RBM27: variants seen among roughly 807,000 people sequenced by gnomAD.
RBM27 encodes RNA binding motif protein 27.
RBM27 carries 22 observed loss-of-function variants against 135.3 expected under a neutral mutation model. The observed-to-expected ratio is 0.16, with a 90% CI of 0.12 to 0.23. The LOEUF (loss-of-function observed/expected upper bound fraction) is 0.23. Ranked by LOEUF, RBM27 falls within the 10% of genes least tolerant of loss-of-function variation. The probability of loss-of-function intolerance (pLI) is 1.00; values close to 1 mark genes in which losing one functional copy is unlikely to be tolerated. For synonymous variants in RBM27, 481 were observed against 442.4 expected (o/e 1.09, Z -1.10); for missense variants, 1,009 against 1,281.0 (o/e 0.79, Z 3.24).
chr5:146,271,736 G>A, intron 19 of RBM27, 62 bp downstream of exon 19: 1 of 1,429,724 alleles, frequency 7.0e-7, no homozygotes. Flanking sequence ...TTTCCTTGCT[G>A]CAGTGTCTAT....
chr5:146,268,407 T>C (rs1758713167), intron 15 of RBM27, among the ~76,000 whole-genome samples: 1 of 151,952 alleles, frequency 6.6e-6, no homozygotes, highest in South Asian at 2.1e-4. Flanking sequence ...CACCCCTGGC[T>C]AATTTTGTAT....
intron 7 of RBM27, among the ~76,000 whole-genome samples, chr5:146,234,029 T>C (rs2126763641): frequency 6.6e-6 from 1 of 152,252 alleles, no homozygotes; most frequent in African/African-American, 2.4e-5. Context: ...TTTATTTATC[T>C]ATTTTTATTT....
chr5:146,287,578 T>C lies in RBM27; in HGVS notation c.*1548T>C, dbSNP rs911748806. ...ATTTTGTTTGCTGAGGTAAAGACAA[T>C]TTCTCAATATAGAAACTATTCACTA... is the stretch of plus-strand genomic sequence containing the variant. On this transcript the variant is annotated 3_prime_UTR_variant, in exon 21 of 21. Transcript: ENST00000265271. 6.6e-6 allele frequency: 1 copy of C among 152,140 alleles called. No homozygotes were observed. The highest frequency in any genetic ancestry group is 1.5e-5 in the Non-Finnish European group (1 of 68,000). 9.4% of individuals were successfully genotyped at this position (152,140 alleles called of 1,614,324 possible). A position where few individuals can be genotyped will look rare whatever the true frequency, so the allele number is the denominator to read the frequency against.
intron 14 of RBM27, 64 bp from the exon 15 acceptor site, chr5:146,267,585 A>G: frequency 4.6e-6 from 5 of 1,089,498 alleles, no homozygotes; most frequent in Non-Finnish European, 6.7e-6. Flanking sequence ...CTAAAAAAGT[A>G]TTCTAAGCAT....
In RBM27 at chr5:146,237,939, C is replaced by T. The variant is rs568001429; in HGVS notation, c.1279+507C>T. ...CTGACCTCAGGTGATCTACCTGCCT[C>T]GGCCTCCCAAAATGCTGGGATTATA... On this transcript the variant is annotated intron_variant, in intron 8 of 20. Transcript: ENST00000265271. Among the ~76,000 whole-genome samples, 270 of 152,264 alleles carry T rather than the reference C, an allele frequency of 1.8e-3. 4 individuals are homozygous for T. The highest frequency in any genetic ancestry group is 4.9e-4 in the Non-Finnish European group (33 of 68,020).
intron 1 of RBM27, among the ~76,000 whole-genome samples, chr5:146,207,612 T>TA (rs1454532592): frequency 2.0e-5 from 3 of 152,138 alleles, no homozygotes; most frequent in Non-Finnish European, 4.4e-5. Flanking sequence ...TTTAAAATGT[T>TA]ACATCTTGTC....
chr5:146,259,979 C>CAA (rs34781548), intron 11 of RBM27, among the ~76,000 whole-genome samples: 2,505 of 35,270 alleles, frequency 0.071, 336 homozygotes, highest in African/African-American at 0.22. Context: ...GACTCCGTCT[C>CAA]AAAAAAAAAA....
chr5:146,254,918 GTT>G, intron 9 of RBM27, 23 bp from the exon 10 acceptor site: 1 of 1,521,350 alleles, frequency 6.6e-7, no homozygotes, highest in Non-Finnish European at 8.9e-7. Flanking sequence ...TTTGTTGTGT[GTT>G]TTGTTGCTTT....
chr5:146,286,029 G>A lies in RBM27; in HGVS notation c.3182G>A (p.Ter1061=). 1 of 1,599,694 alleles carries A rather than the reference G, an allele frequency of 6.3e-7. No homozygotes were observed. The highest frequency in any genetic ancestry group is 8.5e-7 in the Non-Finnish European group (1 of 1,172,278). ...TATGAGTCTCGCTCATGGCGAAGAT[G>A]AAATCTGATGCTAGCTGTATAATTT... ...DEYESRSWRR[*] Residue 1061 remains the stop codon, a stop_retained_variant, in exon 21 of 21, where the codon TGA becomes TAA. Coordinates refer to ENST00000265271, the MANE Select transcript of RBM27 (RefSeq NM_018989.2).
At chr5:146,207,511 C>G (rs1339881373) in intron 1 of RBM27, among the ~76,000 whole-genome samples, 1 of 151,728 alleles carries the variant, frequency 6.6e-6, no homozygotes, top group Non-Finnish European at 1.5e-5. Flanking sequence ...CTGCGCCCAG[C>G]CTGTGTGCAC....
chr5:146,222,300 G>A (rs1756492679), intron 2 of RBM27, among the ~76,000 whole-genome samples: 1 of 152,190 alleles, frequency 6.6e-6, no homozygotes, highest in African/African-American at 2.4e-5. Flanking sequence ...TGTAATCATT[G>A]CAATGTAAGC....
At position 146,234,854 on chromosome 5, in the gene RBM27, C is replaced by T. The variant is rs533953838; in HGVS notation, c.1144+1111C>T. Among the ~76,000 whole-genome samples the T allele has an allele frequency of 2.6e-5, 4 of 151,538 alleles. No homozygotes were observed. In the South Asian group the frequency reaches 6.3e-4, roughly 24 times the overall value. The stretch of plus-strand genomic sequence containing the variant: ...TTCGAGACCAGCCTGGGCAAGATGG[C>T]GAAACCCCATCTCTAGAAAAAATAC... On this transcript the variant is annotated intron_variant, in intron 7 of 20. Transcript: ENST00000265271.
chr5:146,264,170 ATTTGTTTG>A (rs928087514), intron 14 of RBM27, among the ~76,000 whole-genome samples: 47 of 151,214 alleles, frequency 3.1e-4, no homozygotes, highest in African/African-American at 9.2e-4. Context: ...TTAGATATTT[ATTTGTTTG>A]TTTGTTTGTT....
In RBM27 at chr5:146,267,702, G is replaced by T. The variant is rs1758677496; in HGVS notation, c.2385G>T (p.Lys795Asn). 3 of 1,603,570 alleles carry T rather than the reference G, an allele frequency of 1.9e-6. No individual in the cohort carries two copies. The highest frequency in any genetic ancestry group is 2.6e-6 in the Non-Finnish European group (3 of 1,174,486). Reference protein sequence around the residue: ...PKMIYSSSNLKTPSKLCSGSK... With the variant: ...PKMIYSSSNLNTPSKLCSGSK... ...TGATTTACAGCTCCTCAAACTTAAAGACACCTTCAAAGCTCTGTTCAGGGT... is the reference window on the plus strand; with the variant it reads ...TGATTTACAGCTCCTCAAACTTAAATACACCTTCAAAGCTCTGTTCAGGGT... Residue 795 changes from lysine (K) to asparagine (N), a missense_variant, in exon 15 of 21, where the codon AAG becomes AAT. Lys to Asn is a moderately conservative substitution (Grantham distance 94, BLOSUM62 0). Transcript: ENST00000265271.
chr5:146,227,915 T>G (rs2126739818), intron 3 of RBM27, among the ~76,000 whole-genome samples: 1 of 152,338 alleles, frequency 6.6e-6, no homozygotes, highest in Admixed American at 6.5e-5. Flanking sequence ...TTAACCATTT[T>G]TTCCTAAAAC....
At chr5:146,263,802 C>T (rs1234472126) in intron 14 of RBM27, among the ~76,000 whole-genome samples, 171 bp downstream of exon 14, 1 of 152,076 alleles carries the variant, frequency 6.6e-6, no homozygotes, top group African/African-American at 2.4e-5. Context: ...AAATTTTTTT[C>T]CTATTCAAAA....
In RBM27 at chr5:146,267,764, A is replaced by G. The variant is rs1376131886; in HGVS notation, c.2447A>G (p.Lys816Arg). ...GATGTTCAAGAAGTGCTTAAAAAAAAACAGGTAACAGTCTTGATTCTTCTT... is the reference window on the plus strand; with the variant it reads ...GATGTTCAAGAAGTGCTTAAAAAAAGACAGGTAACAGTCTTGATTCTTCTT... ...SHDVQEVLKKKQEAMKLQQDM... is the reference protein window; with the variant it reads ...SHDVQEVLKKRQEAMKLQQDM... The change falls in exon 15 of 21, where the codon AAA becomes AGA. Residue 816 changes from lysine (K) to arginine (R), a missense_variant. Transcript: ENST00000265271. 6.2e-7 allele frequency: 1 copy of G among 1,601,806 alleles called. No individual in the cohort carries two copies. The highest frequency in any genetic ancestry group is 1.4e-5 in the African/African-American group (1 of 74,040).
At chr5:146,264,182 G>A (rs1758516143) in intron 14 of RBM27, among the ~76,000 whole-genome samples, 1 of 151,880 alleles carries the variant, frequency 6.6e-6, no homozygotes, top group Non-Finnish European at 1.5e-5. Flanking sequence ...TTGTTTGTTT[G>A]TTTGTTTGTT....
intron 1 of RBM27, among the ~76,000 whole-genome samples, chr5:146,210,054 T>G (rs1755867594): frequency 6.6e-6 from 1 of 152,214 alleles, no homozygotes; most frequent in Admixed American, 6.5e-5. Flanking sequence ...CTTATTAATC[T>G]CTTTTTATAC....
Sources: allele counts gnomAD v4.1 joint callset (sites outside exome capture counted in the v4.1 genomes callset), GRCh38; gene constraint gnomAD v4.1.1; transcripts MANE v1.5; gene names NCBI Gene and HGNC (gene_info 2026-07-23, HGNC 2026-07-21).